The following NFATC1 variants were observed in gnomAD, a reference collection of about 807,000 sequenced individuals.
NFATC1 encodes the protein nuclear factor of activated T cells 1.
A neutral mutation model predicts 76.0 loss-of-function variants in NFATC1; 22 were observed. That is an observed-to-expected ratio of 0.29 (90% confidence interval 0.21 to 0.41). NFATC1 has a LOEUF of 0.41. Ranked by LOEUF, NFATC1 falls within the 10% of genes least tolerant of loss-of-function variation. The pLI is 1.00. For missense variants in NFATC1, 1,357 were observed against 1,337.7 expected (o/e 1.01, Z -0.23); for synonymous variants, 704 against 613.1 (o/e 1.15, Z -2.19).
chr18:79,527,214 G>A (rs576824398), intron 9 of NFATC1: 6 of 297,408 alleles, frequency 2.0e-5, no homozygotes, highest in East Asian at 1.4e-4. Context: ...CGCTTGGTTC[G>A]TGGAGAGACA....
At position 79,411,178 on chromosome 18, in the gene NFATC1, G is replaced by C. The variant is rs776957817; in HGVS notation, c.903G>C (p.Leu301Phe). 5 of 1,611,854 alleles carry C rather than the reference G, an allele frequency of 3.1e-6. No homozygotes were observed. In the South Asian group the frequency reaches 3.3e-5, roughly 11 times the overall value. The stretch of plus-strand genomic sequence containing the variant: ...TCAGCGTGACCGACGACTCGTGGTT[G>C]GGCAACACCACCCAGTACACCAGCT... The part of the protein sequence containing the change: ...PRVSVTDDSW[L>F]GNTTQYTSSA... Residue 301 changes from leucine (L) to phenylalanine (F), a missense_variant, in exon 2 of 10, where the codon TTG becomes TTC. This residue lies in a region of NFATC1 where 691 missense variants were observed against 613.1 expected (regional missense o/e 1.13). Transcript: ENST00000427363.
At chr18:79,499,427 C>A (rs1471797023) in intron 9 of NFATC1, among the ~76,000 whole-genome samples, 1 of 152,032 alleles carries the variant, frequency 6.6e-6, no homozygotes, top group African/African-American at 2.4e-5. Context: ...ACAAAATAAG[C>A]CAGTAATGAA....
intron 3 of NFATC1, among the ~76,000 whole-genome samples, chr18:79,441,483 CAG>C (rs1254021445): frequency 6.6e-6 from 1 of 152,128 alleles, no homozygotes; most frequent in Non-Finnish European, 1.5e-5. Flanking sequence ...GCAGGATGAA[CAG>C]GGGCTGCTTG....
At chr18:79,427,537 G>GTC (rs2086408365) in intron 2 of NFATC1, among the ~76,000 whole-genome samples, 10 of 105,468 alleles carry the variant, frequency 9.5e-5, no homozygotes, top group Non-Finnish European at 1.2e-4. Context: ...TGCAGTGGGT[G>GTC]GGGGGAGCTG....
At position 79,411,390 on chromosome 18, in the gene NFATC1, C is replaced by A. The variant is rs141310123; in HGVS notation, c.1115C>A (p.Ser372Tyr). The A allele has an allele frequency of 3.8e-4, 597 of 1,577,838 alleles. 1 individual carries two copies. Among genetic ancestry groups the A allele is most frequent in the Non-Finnish European group, 4.7e-4 (545 of 1,163,574 alleles). The stretch of plus-strand genomic sequence containing the variant: ...GCCGACTTCGCGCCCGAAGACTACT[C>A]CTCTTTCCAGCACATCAGGAAGGGC... ...PPADFAPEDYSSFQHIRKGGF... is the reference protein window; with the variant it reads ...PPADFAPEDYYSFQHIRKGGF... Residue 372 changes from serine to tyrosine, a missense_variant, in exon 2 of 10, where the codon TCC (serine) becomes TAC (tyrosine). Around this residue, in one of 3 missense-constraint regions of NFATC1, gnomAD observed 691 missense variants for 613.1 expected, o/e 1.13. Transcript: ENST00000427363.
chr18:79,495,309 T>C (rs887206728), intron 9 of NFATC1, among the ~76,000 whole-genome samples: 3 of 152,242 alleles, frequency 2.0e-5, no homozygotes, highest in Non-Finnish European at 2.9e-5. Context: ...CTGGGCACTT[T>C]TTTAAATTGC....
intron 9 of NFATC1, among the ~76,000 whole-genome samples, chr18:79,510,917 G>T (rs1054832728): frequency 7.2e-5 from 11 of 151,876 alleles, no homozygotes; most frequent in African/African-American, 2.2e-4. Flanking sequence ...TCCACCGGGG[G>T]CTCCTCCGCC....
rs536100313 is a variant in NFATC1, at chr18:79,502,587, G to A, written c.2782+15650G>A. Among the ~76,000 whole-genome samples the A allele has an allele frequency of 1.3e-3, 203 of 152,238 alleles. 3 individuals carry two copies. The highest frequency in any genetic ancestry group is 7.9e-3 in the Admixed American group (120 of 15,282). Reference sequence around the variant, plus strand: ...TTGCAAAACAACTATCTGATAAAGGGCTTATATCCAGAATATACAAAGAAC... The same window carrying A: ...TTGCAAAACAACTATCTGATAAAGGACTTATATCCAGAATATACAAAGAAC... On this transcript the variant is annotated intron_variant, in intron 9 of 9. Transcript: ENST00000427363.
At chr18:79,491,799 C>T (rs1277692764) in intron 9 of NFATC1, among the ~76,000 whole-genome samples, 2 of 152,156 alleles carry the variant, frequency 1.3e-5, no homozygotes, top group South Asian at 4.1e-4. Flanking sequence ...GACAGGCCAG[C>T]GTCTGGGATG....
chr18:79,398,549 G>T lies in NFATC1; in HGVS notation c.127+2198G>T, dbSNP rs550838059. The stretch of plus-strand genomic sequence containing the variant: ...CCAGCACTGGGGCGGGGGAAGGGGG[G>T]GCTCCTAGGAGCAGCAGGGGAGCCG... On this transcript the variant is annotated intron_variant, in intron 1 of 9. Transcript: ENST00000427363. Among the ~76,000 whole-genome samples the T allele has an allele frequency of 1.9e-4, 29 of 152,272 alleles. No individual in the cohort carries two copies. The East Asian group carries it at 5.4e-3, about 28-fold the overall frequency.
Position 79,411,262 on chromosome 18 carries a change from T to C in NFATC1, c.987T>C (p.Asp329=), listed in dbSNP as rs2085666505. 7.5e-6 allele frequency: 12 copies of C among 1,602,670 alleles called. No individual in the cohort carries two copies. The highest frequency in any genetic ancestry group is 1.0e-5 in the Non-Finnish European group (12 of 1,179,710). ...LTTDSSLDLG[D]GVPVKSRKTT... ...CCGACAGCAGCCTGGACCTGGGAGA[T>C]GGCGTCCCTGTCAAGTCCCGCAAGA... The change falls in exon 2 of 10, where the codon GAT becomes GAC. Residue 329 remains aspartate (D), a synonymous_variant. Coordinates refer to ENST00000427363, the MANE Select transcript of NFATC1 (RefSeq NM_001278669.2).
chr18:79,436,513 G>GGC (rs1296291487), intron 3 of NFATC1, among the ~76,000 whole-genome samples: 5 of 150,842 alleles, frequency 3.3e-5, no homozygotes, highest in Admixed American at 3.3e-4. Context: ...CCCCGCGCCC[G>GGC]GTATCCCCGT....
chr18:79,436,723 AG>A (rs1208759300), intron 3 of NFATC1, among the ~76,000 whole-genome samples: 2 of 151,440 alleles, frequency 1.3e-5, no homozygotes, highest in African/African-American at 4.9e-5. Context: ...GTGGGTGCTG[AG>A]GGGCGTGAGG....
chr18:79,459,004 C>T (rs1215619074), intron 6 of NFATC1, among the ~76,000 whole-genome samples: 1 of 152,250 alleles, frequency 6.6e-6, no homozygotes, highest in Non-Finnish European at 1.5e-5. Context: ...CGACCTGAAA[C>T]GGCCACAGAC....
rs575876469 is a variant in NFATC1 at position 79,486,765 on chromosome 18, C to T, written c.2610C>T (p.Pro870=). Residue 870 remains proline (P), a synonymous_variant, in exon 9 of 10, where the codon CCC becomes CCT. Coordinates refer to ENST00000427363, the MANE Select transcript of NFATC1 (RefSeq NM_001278669.2). ...CLQPCSPACP[P]ATGRPQHLPS... ...AGCCCTGCAGCCCAGCGTGCCCGCC[C>T]GCCACGGGCCGCCCGCAGCACCTGC... The T allele has an allele frequency of 6.5e-5, 105 of 1,606,132 alleles. No homozygotes were observed. In the South Asian group the frequency reaches 9.6e-4, roughly 15 times the overall value.
chr18:79,494,858 C>T (rs1260669826), intron 9 of NFATC1, among the ~76,000 whole-genome samples: 1 of 137,390 alleles, frequency 7.3e-6, no homozygotes, highest in Admixed American at 7.2e-5. Context: ...CTGGTGCGGC[C>T]GGGGGAAGGC....
intron 1 of NFATC1, among the ~76,000 whole-genome samples, chr18:79,398,834 C>G (rs767325464): frequency 5.9e-5 from 9 of 152,202 alleles, no homozygotes; most frequent in Non-Finnish European, 1.3e-4. Context: ...TTTGGGAGGC[C>G]GAGGCAAGCG....
intron 7 of NFATC1, among the ~76,000 whole-genome samples, chr18:79,466,578 G>A (rs2144920019): frequency 6.6e-6 from 1 of 152,308 alleles, no homozygotes; most frequent in South Asian, 2.1e-4. Context: ...GAAGGAGCAT[G>A]AGTTTCGTAA....
intron 6 of NFATC1, among the ~76,000 whole-genome samples, chr18:79,455,172 G>T (rs532104495): frequency 4.3e-4 from 65 of 152,372 alleles, no homozygotes; most frequent in African/African-American, 1.5e-3. Flanking sequence ...TCACGCGTCT[G>T]TTCTGGTGCC....
Sources: allele counts gnomAD v4.1 joint callset (sites outside exome capture counted in the v4.1 genomes callset), GRCh38; gene constraint gnomAD v4.1.1; regional missense constraint gnomAD v4.1.1; transcripts MANE v1.5; gene names NCBI Gene and HGNC (gene_info 2026-07-23, HGNC 2026-07-21).